HK2: variants seen among roughly 807,000 people sequenced by gnomAD.
The protein encoded by HK2 is hexokinase-2.
Under a neutral mutation model 92.9 loss-of-function variants are expected in HK2, and 42 were observed. That is an observed-to-expected ratio of 0.45 (90% CI 0.35 to 0.58). The LOEUF (loss-of-function observed/expected upper bound fraction) is 0.58, where lower values mean the gene tolerates loss of function less well. Among genes scored for constraint, HK2 ranks in the 20% least tolerant of loss-of-function variants. The probability of loss-of-function intolerance (pLI) is 0.00; values close to 1 mark genes in which losing one functional copy is unlikely to be tolerated. For missense variants in HK2, 978 were observed against 1,245.1 expected (o/e 0.79, Z 3.23); for synonymous variants, 422 against 468.0 (o/e 0.90, Z 1.27).
At chr2:74,883,032 T>C (rs1335489303) in intron 12 of HK2, among the ~76,000 whole-genome samples, 1 of 152,170 alleles carries the variant, frequency 6.6e-6, no homozygotes, top group Admixed American at 6.5e-5. Context: ...GTTCTGGACA[T>C]GAGTGCCCCG....
chr2:74,866,895 C>T (rs988161648), intron 2 of HK2, among the ~76,000 whole-genome samples: 1 of 152,162 alleles, frequency 6.6e-6, no homozygotes, highest in Non-Finnish European at 1.5e-5. Context: ...GGTCTTGCTG[C>T]AGGACATGGC....
rs369793096 is a variant in HK2 at position 74,854,256 on chromosome 2, A to G, written c.64-37A>G. On this transcript the variant is annotated intron_variant, in intron 1 of 17. Transcript: ENST00000290573. ...GTACACCTATGCCATAATTTATTTA[A>G]CCAGTGGTTTCTGCTCTTGTCTTCC... The G allele has an allele frequency of 4.4e-6, 7 of 1,604,428 alleles. No individual in the cohort carries two copies. In the African/African-American group the frequency reaches 9.4e-5, roughly 22 times the overall value.
chr2:74,854,166 TTAA>T, intron 1 of HK2, 124 bp from the exon 2 acceptor site: 4 of 928,202 alleles, frequency 4.3e-6, no homozygotes, highest in South Asian at 1.3e-5. Context: ...CTAATGGTCT[TTAA>T]TAATAACTTT....
intron 1 of HK2, among the ~76,000 whole-genome samples, chr2:74,846,126 T>G (rs1014062729): frequency 2.0e-5 from 3 of 152,234 alleles, no homozygotes; most frequent in African/African-American, 7.2e-5. Flanking sequence ...GGCAAAGGAA[T>G]AATGCAAAAA....
In HK2 at chr2:74,873,333, G is replaced by C; in HGVS notation, c.553G>C (p.Val185Leu). 1 of 1,613,988 alleles carries C rather than the reference G, an allele frequency of 6.2e-7. No individual in the cohort carries two copies. Among genetic ancestry groups the C allele is most frequent in the Non-Finnish European group, 8.5e-7 (1 of 1,179,868 alleles). The change falls in exon 5 of 18, where the codon GTT becomes CTT. Residue 185 changes from valine (V) to leucine (L), a missense_variant. Physicochemically the swap from Val to Leu is conservative, Grantham distance 32. Coordinates refer to ENST00000290573, the MANE Select transcript of HK2 (RefSeq NM_000189.5). ...FKSSGVEGRD[V>L]VALIRKAIQR... ...GTCCAGTGGAGTGGAAGGCAGAGAC[G>C]TTGTGGCTCTGATCCGGAAGGCCAT... is the stretch of plus-strand genomic sequence containing the variant.
chr2:74,867,129 A>T (rs1688970140), intron 2 of HK2, among the ~76,000 whole-genome samples: 1 of 152,096 alleles, frequency 6.6e-6, no homozygotes, highest in Non-Finnish European at 1.5e-5. Flanking sequence ...TTGGATGCGA[A>T]ACTGTCTTAT....
At chr2:74,876,161 G>A (rs556353258) in intron 7 of HK2, among the ~76,000 whole-genome samples, 1 of 152,276 alleles carries the variant, frequency 6.6e-6, no homozygotes, top group Admixed American at 6.5e-5. Context: ...TCACAATTTT[G>A]CCAGCTCTCA....
At chr2:74,879,683 TGG>T (rs1689333645) in intron 9 of HK2, among the ~76,000 whole-genome samples, 4 of 152,194 alleles carry the variant, frequency 2.6e-5, no homozygotes, top group Non-Finnish European at 5.9e-5. Flanking sequence ...AGGAAGGCCC[TGG>T]AGACCATGGC....
intron 3 of HK2, 95 bp downstream of exon 3, chr2:74,867,879 G>C: frequency 7.1e-7 from 1 of 1,414,300 alleles, no homozygotes; most frequent in Middle Eastern, 1.8e-4. Flanking sequence ...CGTGTGGATA[G>C]GCAGTCACCC....
intron 8 of HK2, 127 bp downstream of exon 8, chr2:74,877,448 G>A (rs3771759): frequency 0.17 from 182,503 of 1,058,260 alleles, 16,297 homozygotes; most frequent in Middle Eastern, 0.22. Flanking sequence ...CTCACATGAC[G>A]TGGACCATGG....
At chr2:74,842,543 G>T (rs1200756040) in intron 1 of HK2, among the ~76,000 whole-genome samples, 3 of 152,174 alleles carry the variant, frequency 2.0e-5, no homozygotes. Context: ...AAGAGGCCCT[G>T]CTTTACCCTG....
At chr2:74,873,532 G>C (rs1689151150) in intron 5 of HK2, among the ~76,000 whole-genome samples, 161 bp downstream of exon 5, 1 of 152,172 alleles carries the variant, frequency 6.6e-6, no homozygotes, top group African/African-American at 2.4e-5. Flanking sequence ...GCGATCTGCT[G>C]CTTTGGGGGT....
At chr2:74,855,083 G>A (rs902422834) in intron 2 of HK2, among the ~76,000 whole-genome samples, 4 of 152,140 alleles carry the variant, frequency 2.6e-5, no homozygotes, top group African/African-American at 7.2e-5. Context: ...CGCAACCTCC[G>A]CCTCCTGGGT....
intron 1 of HK2, among the ~76,000 whole-genome samples, chr2:74,842,722 G>A (rs1042090958): frequency 2.0e-5 from 3 of 152,224 alleles, no homozygotes; most frequent in East Asian, 1.9e-4. Context: ...TTTCCTGGGC[G>A]TAGGAGATCC....
chr2:74,862,626 A>G (rs1688856424), intron 2 of HK2, among the ~76,000 whole-genome samples: 1 of 152,250 alleles, frequency 6.6e-6, no homozygotes, highest in Non-Finnish European at 1.5e-5. Context: ...TAACAACTGT[A>G]CAGCGGAGAC....
chr2:74,857,767 CCT>C (rs1688727790), intron 2 of HK2, among the ~76,000 whole-genome samples: 1 of 152,152 alleles, frequency 6.6e-6, no homozygotes, highest in South Asian at 2.1e-4. Flanking sequence ...ATAGGTGACT[CCT>C]AAGTTGATAC....
chr2:74,843,932 C>T (rs1226112295), intron 1 of HK2, among the ~76,000 whole-genome samples: 1 of 152,174 alleles, frequency 6.6e-6, no homozygotes, highest in Non-Finnish European at 1.5e-5. Flanking sequence ...TAACTCAGGC[C>T]ACCCTCAAGC....
rs1350109252 is a variant in HK2 at position 74,888,213 on chromosome 2, T to C, written c.2375+155T>C. On this transcript the variant is annotated intron_variant, in intron 16 of 17. Transcript: ENST00000290573. Reference sequence around the variant, plus strand: ...TCTATAGTGTTTACTAAAAGCACATTATGGGCAGTTGTCATTTTAAGGGCA... The same window carrying C: ...TCTATAGTGTTTACTAAAAGCACATCATGGGCAGTTGTCATTTTAAGGGCA... 4.6e-5 allele frequency among the ~76,000 whole-genome samples: 7 copies of C among 152,224 alleles called. No individual in the cohort carries two copies. In the East Asian group the frequency reaches 1.3e-3, roughly 29 times the overall value.
At position 74,886,559 on chromosome 2, in the gene HK2, G is replaced by C. The variant is rs767300432; in HGVS notation, c.2105G>C (p.Arg702Pro). Residue 702 changes from arginine (R) to proline (P), a missense_variant, in exon 15 of 18, where the codon CGG becomes CCG. By Grantham distance (103) the Arg-to-Pro change is moderately radical. Transcript: ENST00000290573. The stretch of plus-strand genomic sequence containing the variant: ...GAACTGGTGGAAGGAGAAGAGGGGC[G>C]GATGTGTGTGAACATGGAATGGGGG... ...NVELVEGEEGRMCVNMEWGAF... is the reference protein window; with the variant it reads ...NVELVEGEEGPMCVNMEWGAF... 6.2e-7 allele frequency: 1 copy of C among 1,613,802 alleles called. No individual in the cohort carries two copies. The highest frequency in any genetic ancestry group is 8.5e-7 in the Non-Finnish European group (1 of 1,179,940).
Sources: allele counts gnomAD v4.1 joint callset (sites outside exome capture counted in the v4.1 genomes callset), GRCh38; gene constraint gnomAD v4.1.1; transcripts MANE v1.5; gene names NCBI Gene and HGNC (gene_info 2026-07-23, HGNC 2026-07-21).